Variants in TRMT9B observed in about 807,000 individuals in gnomAD.
The protein encoded by TRMT9B is probable tRNA methyltransferase 9B.
TRMT9B carries 16 observed loss-of-function variants against 11.5 expected under a neutral mutation model. The observed-to-expected ratio is 1.39, with a 90% CI of 0.94 to 2.11. The LOEUF is 2.11. Among genes scored for constraint, TRMT9B ranks in the 30% most tolerant of loss-of-function variants. TRMT9B has a pLI of 0.00. For missense variants in TRMT9B, 941 were observed against 553.8 expected (o/e 1.70, Z -7.02); for synonymous variants, 274 against 192.4 (o/e 1.42, Z -3.51).
intron 3 of TRMT9B, chr8:13,011,318 C>G: frequency 1.0e-6 from 1 of 985,332 alleles, no homozygotes; most frequent in Non-Finnish European, 1.2e-6. Flanking sequence ...ATATTCTCCA[C>G]TGTCTCAGCT....
rs1814369997 is a variant in TRMT9B at position 13,024,051 on chromosome 8, T to TTTTTA, written c.*2011_*2012insATTTT. On this transcript the variant is annotated 3_prime_UTR_variant, in exon 5 of 5. Transcript: ENST00000524591. ...TGGTTTCTTCTATTTCTTTTTTTTT[T>TTTTTA]TTTTTTTTTTGAGACAGAGTCTCGC... 1 of 150,950 alleles carries TTTTTA rather than the reference T, an allele frequency of 6.6e-6. No homozygotes were observed. Among genetic ancestry groups the TTTTTA allele is most frequent in the Non-Finnish European group, 1.5e-5 (1 of 65,500 alleles). The allele number at this position is 150,950 out of a possible 1,614,324, so 9.4% of individuals were successfully genotyped here. A position where few individuals can be genotyped will look rare whatever the true frequency, so the allele number is the denominator to read the frequency against.
At chr8:12,988,539 T>C (rs958247789) in intron 1 of TRMT9B, among the ~76,000 whole-genome samples, 4 of 152,078 alleles carry the variant, frequency 2.6e-5, no homozygotes, top group Non-Finnish European at 1.5e-5. Flanking sequence ...CTTACAATCA[T>C]GAGTGGAAGG....
rs1225036146 is a variant in TRMT9B, at chr8:13,022,696, T to C, written c.*652T>C. On this transcript the variant is annotated 3_prime_UTR_variant, in exon 5 of 5. Coordinates refer to ENST00000524591, the MANE Select transcript of TRMT9B (RefSeq NM_020844.3). The stretch of plus-strand genomic sequence containing the variant: ...TTTTCAATGTAGCCCAGGAGGTTTT[T>C]AAAGGCACTGTTAGGCTGAGCATGG... The C allele has an allele frequency of 1.8e-5, 3 of 167,106 alleles. No homozygotes were observed. Among genetic ancestry groups the C allele is most frequent in the South Asian group, 2.1e-4 (1 of 4,830 alleles). 10.4% of individuals were successfully genotyped at this position (167,106 alleles called of 1,614,324 possible).
At position 13,025,011 on chromosome 8, in the gene TRMT9B, G is replaced by A. The variant is rs1814519544; in HGVS notation, c.*2967G>A. 3 of 167,134 alleles carry A rather than the reference G, an allele frequency of 1.8e-5. No homozygotes were observed. The highest frequency in any genetic ancestry group is 1.9e-4 in the East Asian group (1 of 5,184). 10.4% of individuals were successfully genotyped at this position (167,134 alleles called of 1,614,324 possible). On this transcript the variant is annotated 3_prime_UTR_variant, in exon 5 of 5. Transcript: ENST00000524591. ...ACACAGGTCATCAGTGAGTATAAACGTAGACAGTTGATTTGTGAATGCTGT... is the reference window on the plus strand; with the variant it reads ...ACACAGGTCATCAGTGAGTATAAACATAGACAGTTGATTTGTGAATGCTGT...
intron 2 of TRMT9B, among the ~76,000 whole-genome samples, chr8:12,994,001 G>C (rs1030066281): frequency 3.3e-5 from 5 of 152,164 alleles, no homozygotes; most frequent in Non-Finnish European, 7.3e-5. Flanking sequence ...CAGCAGTTCT[G>C]CTCCAACCTC....
At chr8:13,002,037 T>A (rs1809539059) in intron 2 of TRMT9B, among the ~76,000 whole-genome samples, 1 of 152,326 alleles carries the variant, frequency 6.6e-6, no homozygotes, top group African/African-American at 2.4e-5. Flanking sequence ...AATTTAAATC[T>A]GCAGTGTTTA....
intron 1 of TRMT9B, among the ~76,000 whole-genome samples, chr8:12,969,343 T>C (rs1342536615): frequency 6.6e-6 from 1 of 152,160 alleles, no homozygotes; most frequent in Non-Finnish European, 1.5e-5. Flanking sequence ...CCTTCCTATG[T>C]TTCTGTATTG....
At chr8:12,972,373 GGGA>G (rs1803768354) in intron 1 of TRMT9B, among the ~76,000 whole-genome samples, 1 of 152,188 alleles carries the variant, frequency 6.6e-6, no homozygotes, top group Admixed American at 6.5e-5. Flanking sequence ...CAGATCTCTT[GGGA>G]GGAGACTTGC....
At chr8:12,996,415 A>T (rs1346597585) in intron 2 of TRMT9B, among the ~76,000 whole-genome samples, 1 of 152,192 alleles carries the variant, frequency 6.6e-6, no homozygotes, top group Non-Finnish European at 1.5e-5. Flanking sequence ...ATCTCATTTA[A>T]GTTACTTATT....
intron 3 of TRMT9B, among the ~76,000 whole-genome samples, chr8:13,009,602 G>A (rs539319822): frequency 6.6e-6 from 1 of 152,264 alleles, no homozygotes; most frequent in African/African-American, 2.4e-5. Context: ...TTGTGCCTGT[G>A]AGAGTGTGAT....
At chr8:12,971,529 C>A (rs2977098) in intron 1 of TRMT9B, among the ~76,000 whole-genome samples, 33,773 of 152,176 alleles carry the variant, frequency 0.22, 4,627 homozygotes, top group East Asian at 0.6. Flanking sequence ...CTTGTCATTG[C>A]AGCATCTAGT....
At chr8:12,950,963 T>G (rs1800559384) in intron 1 of TRMT9B, among the ~76,000 whole-genome samples, 1 of 152,172 alleles carries the variant, frequency 6.6e-6, no homozygotes, top group Non-Finnish European at 1.5e-5. Context: ...TCATTTTTCG[T>G]CACTAAGAAC....
At chr8:12,994,066 A>T (rs1025921743) in intron 2 of TRMT9B, among the ~76,000 whole-genome samples, 1 of 152,134 alleles carries the variant, frequency 6.6e-6, no homozygotes, top group Non-Finnish European at 1.5e-5. Flanking sequence ...TCATGTGCCC[A>T]CCCCACTGCC....
Position 13,027,688 on chromosome 8 carries a change from G to A in TRMT9B, c.*5644G>A. Reference sequence around the variant, plus strand: ...TACTTGGATTTCAAATGCCATAATTGTAATCTTTCTCCAAAGAAAAATGCA... The same window carrying A: ...TACTTGGATTTCAAATGCCATAATTATAATCTTTCTCCAAAGAAAAATGCA... On this transcript the variant is annotated 3_prime_UTR_variant, in exon 5 of 5. Coordinates refer to ENST00000524591, the MANE Select transcript of TRMT9B (RefSeq NM_020844.3). 1 of 166,962 alleles carries A rather than the reference G, an allele frequency of 6.0e-6. No individual in the cohort carries two copies. The allele number at this position is 166,962 out of a possible 1,614,324, so 10.3% of individuals were successfully genotyped here. A position where few individuals can be genotyped will look rare whatever the true frequency, so the allele number is the denominator to read the frequency against.
chr8:13,014,294 C>A (rs1812212686), intron 4 of TRMT9B, among the ~76,000 whole-genome samples: 1 of 152,174 alleles, frequency 6.6e-6, no homozygotes. Context: ...CCTGCTATAG[C>A]AAAATACCAT....
At chr8:12,957,615 T>C (rs980624676) in intron 1 of TRMT9B, among the ~76,000 whole-genome samples, 1 of 152,198 alleles carries the variant, frequency 6.6e-6, no homozygotes, top group Non-Finnish European at 1.5e-5. Flanking sequence ...GAAGAGGGAA[T>C]GATTACTGAT....
intron 1 of TRMT9B, among the ~76,000 whole-genome samples, chr8:12,972,483 C>A (rs574022230): frequency 1.3e-5 from 2 of 152,152 alleles, no homozygotes; most frequent in African/African-American, 2.4e-5. Flanking sequence ...AAACAAATGC[C>A]GCTGCCAGGG....
At chr8:12,968,527 T>A (rs2460915) in intron 1 of TRMT9B, among the ~76,000 whole-genome samples, 128,500 of 152,196 alleles carry the variant, frequency 0.84, 54,398 homozygotes, top group Middle Eastern at 0.92. Context: ...TTCTAATAGG[T>A]GGTCTGCATT....
At chr8:12,996,293 C>G (rs959525570) in intron 2 of TRMT9B, among the ~76,000 whole-genome samples, 3 of 152,188 alleles carry the variant, frequency 2.0e-5, no homozygotes, top group African/African-American at 4.8e-5. Flanking sequence ...TTTCCTTCCT[C>G]TCATCATACT....
Sources: allele counts gnomAD v4.1 joint callset (sites outside exome capture counted in the v4.1 genomes callset), GRCh38; gene constraint gnomAD v4.1.1; transcripts MANE v1.5; gene names NCBI Gene and HGNC (gene_info 2026-07-23, HGNC 2026-07-21).